The following SMOC2 variants were observed in gnomAD, a reference collection of about 807,000 sequenced individuals.
The protein encoded by SMOC2 is SPARC-related modular calcium-binding protein 2.
A neutral mutation model predicts 61.4 loss-of-function variants in SMOC2; 39 were observed. The ratio of observed to expected loss-of-function variants is 0.64; its 90% confidence interval spans 0.49 to 0.83. The LOEUF (loss-of-function observed/expected upper bound fraction) is 0.83, where lower values mean the gene tolerates loss of function less well. SMOC2 is among the 40% of genes least tolerant of loss of function. The probability of loss-of-function intolerance (pLI) is 0.00; values close to 1 mark genes in which losing one functional copy is unlikely to be tolerated. For synonymous variants in SMOC2, 247 were observed against 239.9 expected, an observed-to-expected ratio of 1.03 and a Z score of -0.27; for missense variants, 556 against 592.9, an observed-to-expected ratio of 0.94 and a Z score of 0.65.
At chr6:168,528,682 A>G (rs917241941) in intron 4 of SMOC2, among the ~76,000 whole-genome samples, 1 of 152,250 alleles carries the variant, frequency 6.6e-6, no homozygotes, top group Non-Finnish European at 1.5e-5. Flanking sequence ...ACAGTCAGCA[A>G]TGACATAAGG....
intron 7 of SMOC2, among the ~76,000 whole-genome samples, chr6:168,558,446 T>C (rs558553579): frequency 2.0e-5 from 3 of 152,304 alleles, no homozygotes; most frequent in Non-Finnish European, 4.4e-5. Flanking sequence ...GAAGTTATTG[T>C]TGCTGCTGCT....
chr6:168,486,589 A>G lies in SMOC2; in HGVS notation c.85-23326A>G, dbSNP rs182625337. The stretch of plus-strand genomic sequence containing the variant: ...CTGTTCTTTATCACATTAATTTTGG[A>G]GTTGGCTCTGATGACCTCCCTTCCC... On this transcript the variant is annotated intron_variant, in intron 1 of 12. Coordinates refer to ENST00000356284, the MANE Select transcript of SMOC2 (RefSeq NM_001166412.2). Among the ~76,000 whole-genome samples the G allele has an allele frequency of 1.3e-3, 193 of 150,776 alleles. 2 individuals are homozygous for G. The highest frequency in any genetic ancestry group is 4.6e-3 in the African/African-American group (190 of 41,080).
intron 11 of SMOC2, among the ~76,000 whole-genome samples, chr6:168,659,025 G>T (rs1787403391): frequency 7.1e-6 from 1 of 140,616 alleles, no homozygotes; most frequent in Non-Finnish European, 1.6e-5. Flanking sequence ...GTGTGTGGGG[G>T]TGTGGTGTGT....
At chr6:168,554,875 G>C (rs763257787) in intron 7 of SMOC2, among the ~76,000 whole-genome samples, 47 of 152,312 alleles carry the variant, frequency 3.1e-4, no homozygotes, top group Admixed American at 2.0e-4. Context: ...GTCTCACTTT[G>C]CCCAAGATGC....
In SMOC2 at chr6:168,500,390, T is replaced by C. The variant is rs1169997149; in HGVS notation, c.85-9525T>C. ...ACTGAAGTAGGAGGAGAGGGAACTCTGAATGCTGGAGGTGTTTTGTACTTG... is the reference window on the plus strand; with the variant it reads ...ACTGAAGTAGGAGGAGAGGGAACTCCGAATGCTGGAGGTGTTTTGTACTTG... On this transcript the variant is annotated intron_variant, in intron 1 of 12. Coordinates refer to ENST00000356284, the MANE Select transcript of SMOC2 (RefSeq NM_001166412.2). Among the ~76,000 whole-genome samples, 4 of 152,038 alleles carry C rather than the reference T, an allele frequency of 2.6e-5. No individual in the cohort carries two copies. The East Asian group carries it at 7.7e-4, about 29-fold the overall frequency.
chr6:168,511,762 ACATG>A (rs1345534360), intron 2 of SMOC2, among the ~76,000 whole-genome samples: 4 of 150,404 alleles, frequency 2.7e-5, no homozygotes, highest in Admixed American at 6.6e-5. Flanking sequence ...ACTCCTGTCC[ACATG>A]CACCTGTGGC....
chr6:168,481,741 A>C (rs1323587454), intron 1 of SMOC2, among the ~76,000 whole-genome samples: 2 of 152,028 alleles, frequency 1.3e-5, no homozygotes, highest in African/African-American at 4.8e-5. Context: ...AATGGATAAA[A>C]AGTTTAACTA....
chr6:168,656,792 A>G (rs1787335277), intron 11 of SMOC2, among the ~76,000 whole-genome samples: 1 of 152,178 alleles, frequency 6.6e-6, no homozygotes, highest in Non-Finnish European at 1.5e-5. Flanking sequence ...AGCTCTGAAA[A>G]ATTAAGCTTT....
At chr6:168,549,343 C>T (rs1784079459) in intron 7 of SMOC2, 140 bp downstream of exon 7, 4 of 688,234 alleles carry the variant, frequency 5.8e-6, no homozygotes, top group Non-Finnish European at 9.9e-6. Context: ...CTGGCACAAA[C>T]ATCTGAGGAT....
chr6:168,528,805 T>C (rs1408488568), intron 4 of SMOC2, among the ~76,000 whole-genome samples: 3 of 152,234 alleles, frequency 2.0e-5, no homozygotes, highest in Non-Finnish European at 2.9e-5. Flanking sequence ...TATCTTTAGT[T>C]AAGCTAACAT....
At chr6:168,478,843 CT>C (rs1357045105) in intron 1 of SMOC2, among the ~76,000 whole-genome samples, 1 of 151,738 alleles carries the variant, frequency 6.6e-6, no homozygotes, top group Non-Finnish European at 1.5e-5. Context: ...TAGAACAGCC[CT>C]GGTTTACAGA....
At chr6:168,465,616 A>G (rs1186792716) in intron 1 of SMOC2, among the ~76,000 whole-genome samples, 1 of 152,252 alleles carries the variant, frequency 6.6e-6, no homozygotes, top group Non-Finnish European at 1.5e-5. Flanking sequence ...TACGAAAGTG[A>G]CATAGTTTGT....
rs1435928885 is a variant in SMOC2, at chr6:168,452,592, G to C, written c.84+11138G>C. ...GGATTTTAACCCAAAAGAACAATAA[G>C]TGCAGCAAATCAAAATTTCTGTGCT... On this transcript the variant is annotated intron_variant, in intron 1 of 12. Coordinates refer to ENST00000356284, the MANE Select transcript of SMOC2 (RefSeq NM_001166412.2). The surrounding 1 kb of genome is among the most constrained non-coding windows in gnomAD (Gnocchi z 5.0). 6.6e-6 allele frequency among the ~76,000 whole-genome samples: 1 copy of C among 152,150 alleles called. No homozygotes were observed. Among genetic ancestry groups the C allele is most frequent in the South Asian group, 2.1e-4 (1 of 4,828 alleles).
At chr6:168,613,969 G>T (rs1228080696) in intron 9 of SMOC2, among the ~76,000 whole-genome samples, 7 of 48,012 alleles carry the variant, frequency 1.5e-4, no homozygotes, top group African/African-American at 2.6e-4. Flanking sequence ...AGCCAGCACA[G>T]GGGGCCTCTT....
chr6:168,449,751 C>A (rs1234641075), intron 1 of SMOC2, among the ~76,000 whole-genome samples: 1 of 152,162 alleles, frequency 6.6e-6, no homozygotes, highest in Non-Finnish European at 1.5e-5. Context: ...ACTTCTGGAC[C>A]CTCTAGAAGG....
At chr6:168,539,157 T>C (rs1783819515) in intron 4 of SMOC2, among the ~76,000 whole-genome samples, 1 of 152,082 alleles carries the variant, frequency 6.6e-6, no homozygotes, top group African/African-American at 2.4e-5. Context: ...AAGCATGAGA[T>C]TGCAAAAAAT....
chr6:168,621,335 T>G (rs1786239770), intron 9 of SMOC2, among the ~76,000 whole-genome samples: 1 of 152,222 alleles, frequency 6.6e-6, no homozygotes, highest in African/African-American at 2.4e-5. Flanking sequence ...CAGAGGAGAA[T>G]AGTATTAGTC....
At chr6:168,482,025 T>C (rs1426328627) in intron 1 of SMOC2, among the ~76,000 whole-genome samples, 2 of 151,416 alleles carry the variant, frequency 1.3e-5, no homozygotes, top group Non-Finnish European at 3.0e-5. Flanking sequence ...CAGAAGGAAC[T>C]ACATAATAAA....
At chr6:168,547,702 T>C (rs1019868848) in intron 6 of SMOC2, among the ~76,000 whole-genome samples, 1 of 151,986 alleles carries the variant, frequency 6.6e-6, no homozygotes, top group East Asian at 1.9e-4. Context: ...TGGGTAAATG[T>C]GTATCTAAAC....
Sources: gnomAD v4.1 joint callset for allele counts (sites outside exome capture counted in the v4.1 genomes callset) on GRCh38, gnomAD v4.1.1 for gene constraint, Gnocchi (gnomAD v3.1) non-coding constraint, MANE v1.5 for transcripts, NCBI Gene and HGNC (gene_info 2026-07-23, HGNC 2026-07-21) for gene names.